The following SLIT1 variants were observed in gnomAD, a reference collection of about 807,000 sequenced individuals.
SLIT1 encodes slit guidance ligand 1, also known as slit homolog 1 protein.
In SLIT1, 66 loss-of-function variants were observed where a neutral mutation model predicts 186.1. That is an observed-to-expected ratio of 0.35 (90% CI 0.29 to 0.44). The LOEUF (loss-of-function observed/expected upper bound fraction) is 0.44, where lower values mean the gene tolerates loss of function less well. Ranked by LOEUF, SLIT1 falls within the 20% of genes least tolerant of loss-of-function variation. SLIT1 has a pLI of 1.00. For missense variants in SLIT1, 1,638 were observed against 2,037.4 expected (o/e 0.80, Z 3.77); for synonymous variants, 761 against 833.8 (o/e 0.91, Z 1.50).
rs1224451844 is a variant in SLIT1 at position 96,999,003 on chromosome 10, G to C, written c.*2109C>G. ...GTGGCCAGGAAAGCTATCTTTCTCA[G>C]GGTTGGTGAGTCCCAGAGCACCTTT... On this transcript the variant is annotated 3_prime_UTR_variant, in exon 37 of 37. Transcript: ENST00000266058. The C allele has an allele frequency of 6.6e-6, 1 of 152,348 alleles. No individual in the cohort carries two copies. Among genetic ancestry groups the C allele is most frequent in the East Asian group, 1.9e-4 (1 of 5,200 alleles). The allele number at this position is 152,348 out of a possible 1,614,324, so 9.4% of individuals were successfully genotyped here. A position where few individuals can be genotyped will look rare whatever the true frequency, so the allele number is the denominator to read the frequency against.
At chr10:97,182,027 C>A (rs1850345310) in intron 1 of SLIT1, among the ~76,000 whole-genome samples, 1 of 152,218 alleles carries the variant, frequency 6.6e-6, no homozygotes, top group African/African-American at 2.4e-5. Context: ...CTGGGCAGTA[C>A]AAAGAAAGGA....
At position 97,004,890 on chromosome 10, in the gene SLIT1, G is replaced by A. The variant is rs1013870629; in HGVS notation, c.3580-67C>T. On this transcript the variant is annotated intron_variant, in intron 32 of 36. Coordinates refer to ENST00000266058, the MANE Select transcript of SLIT1 (RefSeq NM_003061.3). This position sits in a 1 kb window ranked among gnomAD's most constrained non-coding sequence, Gnocchi z 5.1. ...AGCAGCGGCACAGGCTAGCAGATGG[G>A]GCAGAGAGGGCACCCAAGATTGGAA... 3 of 1,576,498 alleles carry A rather than the reference G, an allele frequency of 1.9e-6. No homozygotes were observed. Among genetic ancestry groups the A allele is most frequent in the African/African-American group, 1.3e-5 (1 of 74,260 alleles).
rs1479350011 is a variant in SLIT1 at position 97,010,250 on chromosome 10, CAT to C, written c.3341+741_3341+742del. Among the ~76,000 whole-genome samples the C allele has an allele frequency of 1.3e-5, 2 of 152,232 alleles. No homozygotes were observed. Among genetic ancestry groups the C allele is most frequent in the African/African-American group, 2.4e-5 (1 of 41,454 alleles). ...CATAAGAAGGAATGAAGTGCCGACA[CAT>C]GTTACCACACGGATGAACCTCAAAA... On this transcript the variant is annotated intron_variant, in intron 31 of 36. Transcript: ENST00000266058. This position sits in a 1 kb window ranked among gnomAD's most constrained non-coding sequence, Gnocchi z 4.8.
Position 97,006,042 on chromosome 10 carries a change from T to C in SLIT1, c.3579+441A>G, listed in dbSNP as rs904209679. ...CTTTATTTTCCCCTCAACATGAAGA[T>C]GTTCTGAGATGGAACTGAAGGCATG... On this transcript the variant is annotated intron_variant, in intron 32 of 36. Coordinates refer to ENST00000266058, the MANE Select transcript of SLIT1 (RefSeq NM_003061.3). This position sits in a 1 kb window ranked among gnomAD's most constrained non-coding sequence, Gnocchi z 4.0. Among the ~76,000 whole-genome samples the C allele has an allele frequency of 1.3e-5, 2 of 152,200 alleles. No individual in the cohort carries two copies. The highest frequency in any genetic ancestry group is 6.5e-5 in the Admixed American group (1 of 15,282).
At chr10:97,124,722 A>G (rs1334681216) in intron 4 of SLIT1, among the ~76,000 whole-genome samples, 1 of 152,200 alleles carries the variant, frequency 6.6e-6, no homozygotes, top group African/African-American at 2.4e-5. Context: ...CAGGAGCACT[A>G]GGTATACCTA....
At chr10:97,178,006 A>G (rs78514137) in intron 1 of SLIT1, among the ~76,000 whole-genome samples, 5,425 of 152,228 alleles carry the variant, frequency 0.036, 123 homozygotes, top group African/African-American at 0.051. Context: ...CAAACAAAAA[A>G]ACAGATGAGG....
chr10:97,083,656 A>T (rs1380232317), intron 4 of SLIT1, among the ~76,000 whole-genome samples: 1 of 152,110 alleles, frequency 6.6e-6, no homozygotes, highest in African/African-American at 2.4e-5. Flanking sequence ...TGCTGCAGAG[A>T]GTGTGGAATG....
chr10:97,031,249 A>C (rs1848588198), intron 24 of SLIT1, among the ~76,000 whole-genome samples: 1 of 152,192 alleles, frequency 6.6e-6, no homozygotes, highest in South Asian at 2.1e-4. Flanking sequence ...CCCAGGGCAA[A>C]AACCTCACAG....
chr10:97,023,408 G>C (rs1848518316), intron 25 of SLIT1, among the ~76,000 whole-genome samples: 1 of 151,934 alleles, frequency 6.6e-6, no homozygotes, highest in African/African-American at 2.4e-5. Context: ...CAGATGCCTA[G>C]AAGTAGGATT....
rs1239412767 is a variant in SLIT1 at position 97,174,631 on chromosome 10, G to T, written c.198-9741C>A. Among the ~76,000 whole-genome samples the T allele has an allele frequency of 4.6e-5, 7 of 152,328 alleles. No homozygotes were observed. The South Asian group carries it at 6.2e-4, about 14-fold the overall frequency. On this transcript the variant is annotated intron_variant, in intron 1 of 36. Transcript: ENST00000266058. ...GCCTGGGCTCCTGGGGACCCATCTT[G>T]TTTCCTTGGCTGGAGAAATAGCAAT...
At chr10:97,152,358 A>T (rs79734046) in intron 4 of SLIT1, among the ~76,000 whole-genome samples, 9,175 of 152,236 alleles carry the variant, frequency 0.06, 631 homozygotes, top group African/African-American at 0.17. Context: ...GGACAGGGGA[A>T]GCCAACATCA....
chr10:97,178,391 A>G (rs1207323823), intron 1 of SLIT1, among the ~76,000 whole-genome samples: 4 of 152,238 alleles, frequency 2.6e-5, no homozygotes, highest in Non-Finnish European at 4.4e-5. Context: ...AGATGAAGCC[A>G]AACTGAGGAG....
chr10:97,006,870 G>A lies in SLIT1; in HGVS notation c.3342-150C>T. 1 of 632,266 alleles carries A rather than the reference G, an allele frequency of 1.6e-6. No homozygotes were observed. Among genetic ancestry groups the A allele is most frequent in the Non-Finnish European group, 2.8e-6 (1 of 352,512 alleles). 39.2% of individuals were successfully genotyped at this position (632,266 alleles called of 1,614,324 possible). On this transcript the variant is annotated intron_variant, in intron 31 of 36. Coordinates refer to ENST00000266058, the MANE Select transcript of SLIT1 (RefSeq NM_003061.3). The surrounding 1 kb of genome is among the most constrained non-coding windows in gnomAD (Gnocchi z 4.0). Reference sequence around the variant, plus strand: ...CTCCTAATAAACACTTTTCATGAGAGAGCTGAGAGCCAGAAGGATACCAGG... The same window carrying A: ...CTCCTAATAAACACTTTTCATGAGAAAGCTGAGAGCCAGAAGGATACCAGG...
rs747191028 is a variant in SLIT1 at position 97,005,927 on chromosome 10, G to A, written c.3579+556C>T. On this transcript the variant is annotated intron_variant, in intron 32 of 36. Coordinates refer to ENST00000266058, the MANE Select transcript of SLIT1 (RefSeq NM_003061.3). ...TTTAACATTCTTTATCATGTGCTGT[G>A]CAATATAAACCACTCTCCTCTCCAT... Among the ~76,000 whole-genome samples the A allele has an allele frequency of 6.0e-4, 92 of 152,270 alleles. 1 individual carries two copies. The highest frequency in any genetic ancestry group is 3.4e-3 in the Middle Eastern group (1 of 294).
intron 18 of SLIT1, among the ~76,000 whole-genome samples, chr10:97,045,855 T>C (rs2636770): frequency 0.86 from 131,093 of 152,270 alleles, 56,575 homozygotes; most frequent in East Asian, 1. Context: ...GACTTATACC[T>C]GGGCAAGTGG....
chr10:97,005,476 C>G (rs1848351999), intron 32 of SLIT1, among the ~76,000 whole-genome samples: 1 of 152,188 alleles, frequency 6.6e-6, no homozygotes, highest in African/African-American at 2.4e-5. Context: ...CCCAAGCTGT[C>G]CAGTCACACT....
At chr10:97,037,244 G>T (rs990913426) in intron 22 of SLIT1, among the ~76,000 whole-genome samples, 11 of 152,024 alleles carry the variant, frequency 7.2e-5, no homozygotes, top group African/African-American at 2.7e-4. Flanking sequence ...ACAGGCATGT[G>T]CCACCATGCC....
intron 1 of SLIT1, among the ~76,000 whole-genome samples, chr10:97,173,915 T>C (rs1421232266): frequency 6.6e-6 from 1 of 152,166 alleles, no homozygotes; most frequent in Admixed American, 6.5e-5. Context: ...AGAATAATTA[T>C]TCCTCAGCCC....
chr10:97,076,600 C>T (rs557550128), intron 4 of SLIT1, among the ~76,000 whole-genome samples: 145 of 152,308 alleles, frequency 9.5e-4, no homozygotes, highest in Non-Finnish European at 8.2e-4. Context: ...CATGTGTGCA[C>T]GCCTGTCTCC....
Sources: allele counts gnomAD v4.1 joint callset (sites outside exome capture counted in the v4.1 genomes callset), GRCh38; gene constraint gnomAD v4.1.1; non-coding constraint Gnocchi (gnomAD v3.1); transcripts MANE v1.5; gene names NCBI Gene and HGNC (gene_info 2026-07-23, HGNC 2026-07-21).